The following NRXN3 variants were observed in gnomAD, a reference collection of about 807,000 sequenced individuals.
NRXN3 encodes the protein neurexin 3.
In NRXN3, 32 loss-of-function variants were observed where a neutral mutation model predicts 137.6. That is an observed-to-expected ratio of 0.23 (90% CI 0.18 to 0.31). The LOEUF (loss-of-function observed/expected upper bound fraction) is 0.31. Ranked by LOEUF, NRXN3 falls within the 10% of genes least tolerant of loss-of-function variation. NRXN3 has a pLI of 1.00. For missense variants in NRXN3, 1,574 were observed against 2,062.5 expected (o/e 0.76, Z 4.59); for synonymous variants, 798 against 784.5 (o/e 1.02, Z -0.29).
intron 15 of NRXN3, among the ~76,000 whole-genome samples, chr14:79,297,167 G>A (rs1423372826): frequency 6.6e-6 from 1 of 152,136 alleles, no homozygotes; most frequent in Admixed American, 6.6e-5. Context: ...CAGGCCATAG[G>A]TTCTCATAAC....
intron 19 of NRXN3, among the ~76,000 whole-genome samples, chr14:79,796,128 G>T (rs918149265): frequency 2.6e-5 from 4 of 152,128 alleles, no homozygotes; most frequent in Admixed American, 1.3e-4. Flanking sequence ...AGAAAGAAGA[G>T]CAGCCATCAA....
chr14:79,228,180 T>C (rs929469854), intron 15 of NRXN3, among the ~76,000 whole-genome samples: 1 of 152,152 alleles, frequency 6.6e-6, no homozygotes, highest in African/African-American at 2.4e-5. Flanking sequence ...TGACAGTTCT[T>C]GAGAGATAGC....
rs141031575 is a variant in NRXN3, at chr14:78,651,830, G to A, written c.1221+504G>A. On this transcript the variant is annotated intron_variant, in intron 6 of 20. Transcript: ENST00000335750. Reference sequence around the variant, plus strand: ...ACCTCCCACTGGCTTCCTCCCACTGGCTCCCTCCCACGACATGTGGGAATT... The same window carrying A: ...ACCTCCCACTGGCTTCCTCCCACTGACTCCCTCCCACGACATGTGGGAATT... Among the ~76,000 whole-genome samples the A allele has an allele frequency of 1.1e-4, 16 of 151,870 alleles. No individual in the cohort carries two copies. The East Asian group carries it at 3.1e-3, about 29-fold the overall frequency.
At chr14:79,486,961 C>CTCT (rs2096662787) in intron 16 of NRXN3, among the ~76,000 whole-genome samples, 1 of 145,868 alleles carries the variant, frequency 6.9e-6, no homozygotes, top group Non-Finnish European at 1.5e-5. Flanking sequence ...CTCTCTCTCT[C>CTCT]CCACACACAC....
At chr14:78,339,203 C>T (rs59588653) in intron 4 of NRXN3, among the ~76,000 whole-genome samples, 3,977 of 152,278 alleles carry the variant, frequency 0.026, 135 homozygotes, top group African/African-American at 0.087. Flanking sequence ...CTTTACCACA[C>T]GTGAGGCACT....
chr14:78,321,656 G>A (rs899177433), intron 4 of NRXN3, among the ~76,000 whole-genome samples: 7 of 151,994 alleles, frequency 4.6e-5, no homozygotes, highest in Non-Finnish European at 1.0e-4. Context: ...TCATCAAGGT[G>A]GGGTTCTTGG....
intron 20 of NRXN3, among the ~76,000 whole-genome samples, chr14:79,833,342 T>C (rs2141287879): frequency 6.6e-6 from 1 of 152,316 alleles, no homozygotes; most frequent in African/African-American, 2.4e-5. Flanking sequence ...AAAGAATGAA[T>C]TAAAATTCCA....
chr14:79,329,273 G>A (rs567363368), intron 15 of NRXN3, among the ~76,000 whole-genome samples: 15 of 152,234 alleles, frequency 9.9e-5, no homozygotes, highest in African/African-American at 2.9e-4. Flanking sequence ...GAAACAATGG[G>A]CATGTGTATA....
chr14:78,754,157 C>T lies in NRXN3; in HGVS notation c.2044+39018C>T, dbSNP rs532853797. On this transcript the variant is annotated intron_variant, in intron 8 of 20. Coordinates refer to ENST00000335750, the MANE Select transcript of NRXN3 (RefSeq NM_001330195.2). ...GGCGTTAGTTTCGGATTGTTAAGCT[C>T]GAGTTTTGCTTTTCTAGGCTATGAC... Among the ~76,000 whole-genome samples the T allele has an allele frequency of 2.8e-3, 421 of 152,200 alleles. 1 individual carries two copies. Among genetic ancestry groups the T allele is most frequent in the Non-Finnish European group, 4.5e-3 (308 of 68,012 alleles).
Position 79,863,327 on chromosome 14 carries a change from A to T in NRXN3, c.*1363A>T, listed in dbSNP as rs2099416038. On this transcript the variant is annotated 3_prime_UTR_variant, in exon 21 of 21. Transcript: ENST00000335750. The stretch of plus-strand genomic sequence containing the variant: ...TAATAGTATAATATATATATAAATA[A>T]ATATATATACAGATATATTTATCAT... The T allele has an allele frequency of 6.6e-6, 1 of 150,418 alleles. No homozygotes were observed. The highest frequency in any genetic ancestry group is 1.5e-5 in the Non-Finnish European group (1 of 67,622). 9.3% of individuals were successfully genotyped at this position (150,418 alleles called of 1,614,324 possible). A position where few individuals can be genotyped will look rare whatever the true frequency, so the allele number is the denominator to read the frequency against.
Position 78,340,001 on chromosome 14 carries a change from G to A in NRXN3, c.757+42141G>A, listed in dbSNP as rs74064042. Among the ~76,000 whole-genome samples the A allele has an allele frequency of 1.1e-3, 175 of 152,286 alleles. 1 individual carries two copies. The highest frequency in any genetic ancestry group is 4.2e-3 in the African/African-American group (173 of 41,574). On this transcript the variant is annotated intron_variant, in intron 4 of 20. Coordinates refer to ENST00000335750, the MANE Select transcript of NRXN3 (RefSeq NM_001330195.2). ...GACAAGTTGTAGTCTACCAACAGCT[G>A]AAATTCATGGAGGCAAGAATGAGTG...
intron 4 of NRXN3, among the ~76,000 whole-genome samples, chr14:78,510,381 T>G (rs1263429319): frequency 6.6e-6 from 1 of 152,188 alleles, no homozygotes; most frequent in Non-Finnish European, 1.5e-5. Flanking sequence ...AACTCTATGC[T>G]TAGCTCTAAT....
intron 4 of NRXN3, among the ~76,000 whole-genome samples, chr14:78,347,645 C>CA (rs2082933106): frequency 6.6e-6 from 1 of 152,148 alleles, no homozygotes; most frequent in African/African-American, 2.4e-5. Context: ...CCCTGTTGTG[C>CA]CACAAAACTC....
chr14:78,372,135 A>G (rs2086949052), intron 4 of NRXN3, among the ~76,000 whole-genome samples: 1 of 150,916 alleles, frequency 6.6e-6, no homozygotes, highest in South Asian at 2.1e-4. Flanking sequence ...AAGGATATCC[A>G]CATTTTATTG....
At chr14:78,591,170 C>T (rs970253879) in intron 4 of NRXN3, among the ~76,000 whole-genome samples, 3 of 152,150 alleles carry the variant, frequency 2.0e-5, no homozygotes, top group African/African-American at 7.2e-5. Flanking sequence ...GCAGGATGGC[C>T]TGTGGGAGTC....
intron 15 of NRXN3, among the ~76,000 whole-genome samples, chr14:79,432,492 T>G (rs1351819137): frequency 6.6e-6 from 1 of 152,196 alleles, no homozygotes; most frequent in African/African-American, 2.4e-5. Flanking sequence ...CTGTTGGTAT[T>G]ATTTTTAATA....
At chr14:79,611,580 A>G (rs2098103062) in intron 16 of NRXN3, 1 of 152,328 alleles carries the variant, frequency 6.6e-6, no homozygotes. Flanking sequence ...AGCCTGGGCG[A>G]CAGAGCGAGA....
At chr14:79,129,120 A>T (rs935663190) in intron 15 of NRXN3, among the ~76,000 whole-genome samples, 1 of 152,106 alleles carries the variant, frequency 6.6e-6, no homozygotes, top group Non-Finnish European at 1.5e-5. Context: ...GATCCTTTCA[A>T]AAAACGAGCT....
At chr14:78,456,226 C>G (rs976320548) in intron 4 of NRXN3, among the ~76,000 whole-genome samples, 5 of 152,106 alleles carry the variant, frequency 3.3e-5, no homozygotes, top group African/African-American at 7.2e-5. Flanking sequence ...ATCAGAGGCT[C>G]CAAGTGGCAG....
Sources: allele counts gnomAD v4.1 joint callset (sites outside exome capture counted in the v4.1 genomes callset), GRCh38; gene constraint gnomAD v4.1.1; transcripts MANE v1.5; gene names NCBI Gene and HGNC (gene_info 2026-07-23, HGNC 2026-07-21).